RYK: variants seen among roughly 807,000 people sequenced by gnomAD.
RYK encodes receptor like tyrosine kinase.
In RYK, 21 loss-of-function variants were observed where a neutral mutation model predicts 70.2. That is an observed-to-expected ratio of 0.30 (90% CI 0.21 to 0.43). The LOEUF is 0.43. Ranked by LOEUF, RYK falls within the 20% of genes least tolerant of loss-of-function variation. The probability of loss-of-function intolerance (pLI) is 1.00; values close to 1 mark genes in which losing one functional copy is unlikely to be tolerated. For missense variants in RYK, 604 were observed against 753.3 expected, an observed-to-expected ratio of 0.80 and a Z score of 2.32; for synonymous variants, 267 against 278.0, an observed-to-expected ratio of 0.96 and a Z score of 0.39.
At chr3:134,177,125 C>T (rs1248795521) in intron 11 of RYK, among the ~76,000 whole-genome samples, 1 of 152,044 alleles carries the variant, frequency 6.6e-6, no homozygotes, top group Non-Finnish European at 1.5e-5. Context: ...GCTTTTTCTG[C>T]TGATGTGTTC....
At chr3:134,211,120 G>A (rs1204646636) in intron 3 of RYK, among the ~76,000 whole-genome samples, 1 of 152,206 alleles carries the variant, frequency 6.6e-6, no homozygotes, top group Non-Finnish European at 1.5e-5. Flanking sequence ...AGTCTGGAAT[G>A]TTCAGTTGAT....
chr3:134,212,771 T>A (rs1332971750), intron 2 of RYK, among the ~76,000 whole-genome samples: 11 of 152,148 alleles, frequency 7.2e-5, no homozygotes, highest in Admixed American at 7.2e-4. Context: ...GGATGGCCCT[T>A]ACGCTTGGGC....
chr3:134,202,638 C>A, intron 6 of RYK, 92 bp downstream of exon 6: 1 of 1,067,862 alleles, frequency 9.4e-7, no homozygotes. Flanking sequence ...TCCCTCCTTT[C>A]CCTGCACCAC....
Position 134,191,845 on chromosome 3 carries a change from A to G in RYK, c.1015+4T>C, listed in dbSNP as rs764210355. 4.1e-5 allele frequency: 66 copies of G among 1,599,350 alleles called. No individual in the cohort carries two copies. Among genetic ancestry groups the G allele is most frequent in the Admixed American group, 3.7e-4 (21 of 57,114 alleles). ...TAAAAAACCGACTTTGAGATAATAA[A>G]TACCTTCTTGGAGTACATCTTTTAG... On this transcript the variant is annotated splice_donor_region_variant and intron_variant, in intron 8 of 14. Coordinates refer to ENST00000623711, the MANE Select transcript of RYK (RefSeq NM_002958.4).
chr3:134,208,279 C>T (rs1391350965), intron 4 of RYK, among the ~76,000 whole-genome samples: 2 of 152,152 alleles, frequency 1.3e-5, no homozygotes, highest in African/African-American at 4.8e-5. Flanking sequence ...ATCATTCTGC[C>T]TTACTTAAGA....
chr3:134,176,268 C>T (rs776687113), intron 11 of RYK, among the ~76,000 whole-genome samples: 63 of 152,238 alleles, frequency 4.1e-4, no homozygotes, highest in Non-Finnish European at 7.3e-4. Flanking sequence ...TGTCTCCTTT[C>T]ATCTGTTAGA....
At chr3:134,217,026 T>C (rs895103373) in intron 2 of RYK, among the ~76,000 whole-genome samples, 1 of 152,160 alleles carries the variant, frequency 6.6e-6, no homozygotes, top group Non-Finnish European at 1.5e-5. Flanking sequence ...CACTAAGGCA[T>C]GTGTGACCTA....
At chr3:134,178,897 G>C (rs1249644906) in intron 10 of RYK, 1 of 152,110 alleles carries the variant, frequency 6.6e-6, no homozygotes, top group Non-Finnish European at 1.5e-5. Context: ...ATTGCTAGAA[G>C]ACAAAAACTA....
intron 1 of RYK, among the ~76,000 whole-genome samples, chr3:134,228,782 A>C (rs1334173466): frequency 6.6e-6 from 1 of 152,200 alleles, no homozygotes; most frequent in Non-Finnish European, 1.5e-5. Context: ...ATAAATTCTG[A>C]TGTTCTAACA....
chr3:134,171,817 T>C (rs751605687), intron 13 of RYK, among the ~76,000 whole-genome samples: 58 of 151,458 alleles, frequency 3.8e-4, no homozygotes, highest in Non-Finnish European at 7.2e-4. Flanking sequence ...CACTGAGCTA[T>C]GACTGTACCA....
In RYK at chr3:134,183,055, A is replaced by G; in HGVS notation, c.1119T>C (p.Ile373=). Residue 373 remains isoleucine (I), a synonymous_variant, in exon 10 of 15, where the codon ATT becomes ATC. Coordinates refer to ENST00000623711, the MANE Select transcript of RYK (RefSeq NM_002958.4). ...TTTCAGTGAGCATCATTGTCACCTG[A>G]ATTTCAGAAGCTTGATCTATATATA... ...VKTVKDQASE[I]QVTMMLTESC... The G allele has an allele frequency of 6.3e-7, 1 of 1,586,132 alleles. No individual in the cohort carries two copies. Among genetic ancestry groups the G allele is most frequent in the Non-Finnish European group, 8.6e-7 (1 of 1,164,330 alleles).
intron 1 of RYK, among the ~76,000 whole-genome samples, chr3:134,241,532 C>T (rs963075302): frequency 1.3e-5 from 2 of 152,130 alleles, no homozygotes; most frequent in African/African-American, 4.8e-5. Context: ...ATTTCAGAGA[C>T]GTTCAAATGT....
intron 2 of RYK, among the ~76,000 whole-genome samples, chr3:134,218,838 A>G (rs1243328362): frequency 6.6e-6 from 1 of 152,210 alleles, no homozygotes; most frequent in Non-Finnish European, 1.5e-5. Flanking sequence ...GCCCAAACTA[A>G]GTGTGAGGCA....
intron 13 of RYK, among the ~76,000 whole-genome samples, chr3:134,164,560 T>C (rs1490992381): frequency 1.3e-5 from 2 of 152,260 alleles, no homozygotes; most frequent in Non-Finnish European, 2.9e-5. Context: ...GATTCTGAGA[T>C]TCATCTGTGA....
rs978586616 is a variant in RYK at position 134,239,597 on chromosome 3, A to G, written c.232+10826T>C. 2.1e-4 allele frequency among the ~76,000 whole-genome samples: 32 copies of G among 152,356 alleles called. 1 individual carries two copies. Among genetic ancestry groups the G allele is most frequent in the Admixed American group, 1.4e-3 (22 of 15,308 alleles). On this transcript the variant is annotated intron_variant, in intron 1 of 14. Transcript: ENST00000623711. ...CAGGCCATGGGAAATGATCAACAGA[A>G]TGATGACTCCAGTAAGGCACAGGAT...
At chr3:134,214,210 G>T (rs2014486877) in intron 2 of RYK, among the ~76,000 whole-genome samples, 1 of 152,102 alleles carries the variant, frequency 6.6e-6, no homozygotes, top group South Asian at 2.1e-4. Flanking sequence ...GTTCTCCCTG[G>T]CTTCAATATT....
At chr3:134,195,941 A>T (rs1478402794) in intron 6 of RYK, among the ~76,000 whole-genome samples, 1 of 141,788 alleles carries the variant, frequency 7.1e-6, no homozygotes, top group Non-Finnish European at 1.6e-5. Flanking sequence ...GTGACAGTCC[A>T]TCTCAAAAAA....
In RYK at chr3:134,167,846, A is replaced by C. The variant is rs192232765; in HGVS notation, c.1575+7763T>G. On this transcript the variant is annotated intron_variant, in intron 13 of 14. Transcript: ENST00000623711. ...GTCAGAGTGAACAGGCAACCTACAA[A>C]ATGGGAGAAAATTTTTGTAATCTAC... Among the ~76,000 whole-genome samples the C allele has an allele frequency of 2.9e-3, 446 of 152,330 alleles. 1 individual carries two copies. Among genetic ancestry groups the C allele is most frequent in the African/African-American group, 0.01 (417 of 41,578 alleles).
At chr3:134,248,397 T>C (rs776797131) in intron 1 of RYK, among the ~76,000 whole-genome samples, 4 of 152,202 alleles carry the variant, frequency 2.6e-5, no homozygotes, top group Admixed American at 6.5e-5. Flanking sequence ...GTAACAAATA[T>C]ATAACTCAAG....
Sources: gnomAD v4.1 joint callset for allele counts (sites outside exome capture counted in the v4.1 genomes callset) on GRCh38, gnomAD v4.1.1 for gene constraint, MANE v1.5 for transcripts, NCBI Gene and HGNC (gene_info 2026-07-23, HGNC 2026-07-21) for gene names.